Variants in NPLOC4 observed in about 807,000 individuals in gnomAD.
The protein encoded by NPLOC4 is NPL4 homolog, ubiquitin recognition factor.
Under a neutral mutation model 80.6 loss-of-function variants are expected in NPLOC4, and 18 were observed. The observed-to-expected ratio is 0.22, with a 90% confidence interval of 0.15 to 0.33. The LOEUF is 0.33. Among genes scored for constraint, NPLOC4 ranks in the 10% least tolerant of loss-of-function variants. The probability of loss-of-function intolerance (pLI) is 1.00; values close to 1 mark genes in which losing one functional copy is unlikely to be tolerated. For synonymous variants in NPLOC4, 313 were observed against 301.5 expected (o/e 1.04, Z -0.39); for missense variants, 540 against 786.1 (o/e 0.69, Z 3.74).
At chr17:81,636,688 G>A (rs989703937) in intron 1 of NPLOC4, among the ~76,000 whole-genome samples, 3 of 152,168 alleles carry the variant, frequency 2.0e-5, no homozygotes, top group African/African-American at 7.2e-5. Context: ...CCCTGCCCAG[G>A]GCGGGGAACC....
rs529940906 is a variant in NPLOC4 at position 81,620,294 on chromosome 17, G to A, written c.209+1872C>T. 2.6e-5 allele frequency among the ~76,000 whole-genome samples: 4 copies of A among 152,202 alleles called. No homozygotes were observed. In the South Asian group the frequency reaches 6.2e-4, roughly 24 times the overall value. On this transcript the variant is annotated intron_variant, in intron 3 of 16. Coordinates refer to ENST00000331134, the MANE Select transcript of NPLOC4 (RefSeq NM_017921.4). The stretch of plus-strand genomic sequence containing the variant: ...GGGTGGATCACGAGGTCAGGAATTC[G>A]AGACCAGCTTGGCCAACTTAGTGAA...
At chr17:81,574,350 A>T (rs768140614) in intron 12 of NPLOC4, among the ~76,000 whole-genome samples, 18 of 152,148 alleles carry the variant, frequency 1.2e-4, no homozygotes, top group Non-Finnish European at 1.9e-4. Context: ...CCACTCCCCA[A>T]GAAAATAAAG....
chr17:81,613,093 G>T, intron 4 of NPLOC4: 3 of 433,018 alleles, frequency 6.9e-6, no homozygotes, highest in South Asian at 4.0e-5. Context: ...ATTTTTTATG[G>T]GAACATATTT....
At chr17:81,626,840 A>T (rs1046644352) in intron 2 of NPLOC4, among the ~76,000 whole-genome samples, 1 of 152,158 alleles carries the variant, frequency 6.6e-6, no homozygotes, top group Non-Finnish European at 1.5e-5. Context: ...CTGTAATCCC[A>T]GCACTTTGGG....
intron 9 of NPLOC4, among the ~76,000 whole-genome samples, chr17:81,599,807 A>C (rs75056808): frequency 0.096 from 14,570 of 152,300 alleles, 764 homozygotes; most frequent in Middle Eastern, 0.17. Context: ...CCATGAAACT[A>C]GGAAGAATTG....
At chr17:81,620,839 A>G (rs1478850418) in intron 3 of NPLOC4, among the ~76,000 whole-genome samples, 3 of 152,050 alleles carry the variant, frequency 2.0e-5, no homozygotes, top group Admixed American at 2.0e-4. Flanking sequence ...CGTGTTCCAG[A>G]TTTAAACTTT....
chr17:81,568,510 G>A (rs2034073871), intron 14 of NPLOC4, among the ~76,000 whole-genome samples: 1 of 152,066 alleles, frequency 6.6e-6, no homozygotes, highest in Non-Finnish European at 1.5e-5. Flanking sequence ...ACAACCATGT[G>A]TACACAGCCT....
Position 81,567,377 on chromosome 17 carries a change from A to G in NPLOC4, c.1566+40T>C, listed in dbSNP as rs781258985. 7.9e-7 allele frequency: 1 copy of G among 1,259,758 alleles called. No homozygotes were observed. Among genetic ancestry groups the G allele is most frequent in the Non-Finnish European group, 1.2e-6 (1 of 865,190 alleles). The allele number at this position is 1,259,758 out of a possible 1,614,324, so 78.0% of individuals were successfully genotyped here. A position where few individuals can be genotyped will look rare whatever the true frequency, so the allele number is the denominator to read the frequency against. Reference sequence around the variant, plus strand: ...GACACAGGCGTCTCTTTGCAGCCAAAGCCCACTTGCTCAAGTGGACACCAC... The same window carrying G: ...GACACAGGCGTCTCTTTGCAGCCAAGGCCCACTTGCTCAAGTGGACACCAC... On this transcript the variant is annotated intron_variant, in intron 15 of 16. Transcript: ENST00000331134. The surrounding 1 kb of genome is among the most constrained non-coding windows in gnomAD (Gnocchi z 4.5).
In NPLOC4 at chr17:81,557,192, T is replaced by A. The variant is rs1275536398; in HGVS notation, c.*2067A>T. The A allele has an allele frequency of 1.3e-5, 2 of 152,298 alleles. No individual in the cohort carries two copies. Among genetic ancestry groups the A allele is most frequent in the South Asian group, 2.1e-4 (1 of 4,826 alleles). 9.4% of individuals were successfully genotyped at this position (152,298 alleles called of 1,614,324 possible). On this transcript the variant is annotated 3_prime_UTR_variant, in exon 17 of 17. Coordinates refer to ENST00000331134, the MANE Select transcript of NPLOC4 (RefSeq NM_017921.4). ...GAAGATGCGAGGTGGGGCTGAGACC[T>A]CCTTCCCACAAGAGGAGGTGGCTGA...
At position 81,559,150 on chromosome 17, in the gene NPLOC4, C is replaced by T. The variant is rs1346843255; in HGVS notation, c.*109G>A. On this transcript the variant is annotated 3_prime_UTR_variant, in exon 17 of 17. Coordinates refer to ENST00000331134, the MANE Select transcript of NPLOC4 (RefSeq NM_017921.4). Reference sequence around the variant, plus strand: ...GCCCAGGACAGCCAGCCCCTTGTTCCTCCAGGGCTGCCCACTATGGGGCAG... The same window carrying T: ...GCCCAGGACAGCCAGCCCCTTGTTCTTCCAGGGCTGCCCACTATGGGGCAG... The T allele has an allele frequency of 2.2e-5, 28 of 1,285,634 alleles. No individual in the cohort carries two copies. Among genetic ancestry groups the T allele is most frequent in the Non-Finnish European group, 2.7e-5 (26 of 954,338 alleles). The allele number at this position is 1,285,634 out of a possible 1,614,324, so 79.6% of individuals were successfully genotyped here.
rs537981975 is a variant in NPLOC4 at position 81,557,437 on chromosome 17, G to A, written c.*1822C>T. ...TCAGAGTAAGGGAAATGCTGGTGGA[G>A]GACAACGGAAACTATAATAGCGTGG... On this transcript the variant is annotated 3_prime_UTR_variant, in exon 17 of 17. Coordinates refer to ENST00000331134, the MANE Select transcript of NPLOC4 (RefSeq NM_017921.4). 4 of 152,342 alleles carry A rather than the reference G, an allele frequency of 2.6e-5. No individual in the cohort carries two copies. Among genetic ancestry groups the A allele is most frequent in the Non-Finnish European group, 4.4e-5 (3 of 68,064 alleles). 9.4% of individuals were successfully genotyped at this position (152,342 alleles called of 1,614,324 possible).
intron 9 of NPLOC4, among the ~76,000 whole-genome samples, chr17:81,599,756 T>C (rs960904851): frequency 2.0e-5 from 3 of 152,234 alleles, no homozygotes; most frequent in African/African-American, 7.2e-5. Flanking sequence ...ACCAGATCAA[T>C]AGAATAAAAA....
At chr17:81,565,777 G>GC (rs1476813417) in intron 15 of NPLOC4, among the ~76,000 whole-genome samples, 170 bp from the exon 16 acceptor site, 4 of 152,300 alleles carry the variant, frequency 2.6e-5, no homozygotes, top group Non-Finnish European at 5.9e-5. Flanking sequence ...ATCTATAAAC[G>GC]CAAGTGCTAA....
intron 9 of NPLOC4, among the ~76,000 whole-genome samples, chr17:81,598,838 A>C (rs959050534): frequency 6.6e-6 from 1 of 152,174 alleles, no homozygotes; most frequent in Non-Finnish European, 1.5e-5. Context: ...CCCAGCAGAC[A>C]TGACTAGCCC....
At position 81,580,038 on chromosome 17, in the gene NPLOC4, G is replaced by A. The variant is rs1186064681; in HGVS notation, c.1282-7950C>T. Among the ~76,000 whole-genome samples the A allele has an allele frequency of 1.3e-5, 2 of 152,074 alleles. No individual in the cohort carries two copies. The highest frequency in any genetic ancestry group is 2.9e-5 in the Non-Finnish European group (2 of 68,012). ...TCACCAGGGAGCTCCTTTCTTGCCT[G>A]CCTTCCAGGGCGCTATGCTCCTGCC... On this transcript the variant is annotated intron_variant, in intron 12 of 16. Coordinates refer to ENST00000331134, the MANE Select transcript of NPLOC4 (RefSeq NM_017921.4). The surrounding 1 kb of genome is among the most constrained non-coding windows in gnomAD (Gnocchi z 4.4).
intron 15 of NPLOC4, among the ~76,000 whole-genome samples, chr17:81,566,208 T>TGTAA (rs2034007763): frequency 6.6e-6 from 1 of 152,162 alleles, no homozygotes; most frequent in Non-Finnish European, 1.5e-5. Context: ...TGCGGGCACC[T>TGTAA]GTAATCCCAG....
intron 11 of NPLOC4, among the ~76,000 whole-genome samples, chr17:81,590,598 A>C (rs2034712517): frequency 6.6e-6 from 1 of 152,146 alleles, no homozygotes; most frequent in Non-Finnish European, 1.5e-5. Flanking sequence ...CTCCTGCCTC[A>C]GCTTCCCAAA....
chr17:81,625,507 G>A (rs1043648536), intron 2 of NPLOC4, among the ~76,000 whole-genome samples: 1 of 152,170 alleles, frequency 6.6e-6, no homozygotes, highest in African/African-American at 2.4e-5. Flanking sequence ...GGAAATTCTA[G>A]AACTGAAAAA....
chr17:81,589,207 A>C (rs1257532664), intron 11 of NPLOC4, 103 bp from the exon 12 acceptor site: 4 of 1,045,204 alleles, frequency 3.8e-6, no homozygotes, highest in South Asian at 1.7e-5. Context: ...ACAAACCCTC[A>C]AGAGTTTGTC....
Sources: allele counts gnomAD v4.1 joint callset (sites outside exome capture counted in the v4.1 genomes callset), GRCh38; gene constraint gnomAD v4.1.1; non-coding constraint Gnocchi (gnomAD v3.1); transcripts MANE v1.5; gene names NCBI Gene and HGNC (gene_info 2026-07-23, HGNC 2026-07-21).